The following MYCBP2 variants were observed in gnomAD, a reference collection of about 807,000 sequenced individuals.
The protein encoded by MYCBP2 is E3 ubiquitin-protein ligase MYCBP2.
Under a neutral mutation model 525.3 loss-of-function variants are expected in MYCBP2, and 120 were observed. The ratio of observed to expected loss-of-function variants is 0.23; its 90% confidence interval spans 0.20 to 0.27. MYCBP2 has a LOEUF of 0.27. Among genes scored for constraint, MYCBP2 ranks in the 10% least tolerant of loss-of-function variants. The pLI, the probability that MYCBP2 is intolerant of heterozygous loss-of-function variation, is 1.00. For missense variants in MYCBP2, 4,149 were observed against 5,657.1 expected, an observed-to-expected ratio of 0.73 and a Z score of 8.55; for synonymous variants, 1,894 against 1,955.8, an observed-to-expected ratio of 0.97 and a Z score of 0.83.
At chr13:77,188,071 A>C (rs1437466911) in intron 30 of MYCBP2, among the ~76,000 whole-genome samples, 1 of 141,226 alleles carries the variant, frequency 7.1e-6, no homozygotes, top group Non-Finnish European at 1.6e-5. Context: ...ACTCTGCCTC[A>C]CCAAAAAAAA....
chr13:77,197,244 CAGAA>C (rs1333976133), intron 26 of MYCBP2, among the ~76,000 whole-genome samples: 1 of 151,922 alleles, frequency 6.6e-6, no homozygotes, highest in Admixed American at 6.6e-5. Flanking sequence ...AGAATGGAGA[CAGAA>C]AGTATAGAAA....
chr13:77,071,237 G>GTGTATA lies in MYCBP2; in HGVS notation c.11824-527_11824-526insTATACA, dbSNP rs146458777. Among the ~76,000 whole-genome samples, 318 of 149,972 alleles carry GTGTATA rather than the reference G, an allele frequency of 2.1e-3. 2 individuals are homozygous for GTGTATA. Among genetic ancestry groups the GTGTATA allele is most frequent in the Admixed American group, 4.7e-3 (71 of 15,100 alleles). ...GTGCCACATATGTATATATGTGTGT[G>GTGTATA]TATATATATATATGCATGCACGTGT... On this transcript the variant is annotated intron_variant, in intron 68 of 82. Coordinates refer to ENST00000544440, the MANE Select transcript of MYCBP2 (RefSeq NM_015057.5).
At chr13:77,302,765 T>C (rs573438252) in intron 1 of MYCBP2, among the ~76,000 whole-genome samples, 1 of 152,204 alleles carries the variant, frequency 6.6e-6, no homozygotes, top group African/African-American at 2.4e-5. Flanking sequence ...GGAGTGGCTA[T>C]TTTAATATTT....
intron 20 of MYCBP2, among the ~76,000 whole-genome samples, chr13:77,218,636 C>T (rs1461357109): frequency 6.6e-6 from 1 of 152,194 alleles, no homozygotes; most frequent in Non-Finnish European, 1.5e-5. Context: ...CACAGAGTTC[C>T]TGTGAACAGT....
At chr13:77,046,795 G>T in intron 82 of MYCBP2, among the ~76,000 whole-genome samples, 1 of 152,202 alleles carries the variant, frequency 6.6e-6, no homozygotes, top group Non-Finnish European at 1.5e-5. Flanking sequence ...ACCTCAGGAT[G>T]GGTCAGCATG....
intron 1 of MYCBP2, among the ~76,000 whole-genome samples, chr13:77,318,248 AG>A (rs2081196387): frequency 6.6e-6 from 1 of 152,220 alleles, no homozygotes; most frequent in South Asian, 2.1e-4. Context: ...TTGCTAGATC[AG>A]CACTGGTGAA....
Position 77,205,481 on chromosome 13 carries a change from C to T in MYCBP2, c.3707G>A (p.Arg1236Lys), listed in dbSNP as rs1254875157. 1.2e-6 allele frequency: 2 copies of T among 1,613,196 alleles called. No individual in the cohort carries two copies. Among genetic ancestry groups the T allele is most frequent in the East Asian group, 2.2e-5 (1 of 44,838 alleles). The part of the protein sequence containing the change: ...YSKEDYSVVN[R>K]FESHGGGWGY... ...AACCGAAGTATACATACTTTCAAAC[C>T]TGTTTACCACACTATAATCTTCTTT... The change falls in exon 25 of 83, where the codon AGG (arginine) becomes AAG (lysine). Residue 1236 changes from arginine (R) to lysine (K), a missense_variant. Physicochemically the swap from Arg to Lys is conservative, Grantham distance 26. Around this residue, in one of 21 missense-constraint regions of MYCBP2, gnomAD observed 620 missense variants for 795.5 expected, o/e 0.78. Transcript: ENST00000544440.
Position 77,327,062 on chromosome 13 carries a change from C to T in MYCBP2, c.-287G>A, listed in dbSNP as rs2082412474. On this transcript the variant is annotated 5_prime_UTR_variant, in exon 1 of 83. Transcript: ENST00000544440. ...CCGCCGCCACCACCGCTACCACCGC[C>T]ACCACCGCCGGGGCTACCCGCAATG... is the stretch of plus-strand genomic sequence containing the variant. 9.1e-6 allele frequency: 4 copies of T among 439,416 alleles called. No individual in the cohort carries two copies. The highest frequency in any genetic ancestry group is 1.3e-4 in the South Asian group (2 of 14,856). 27.2% of individuals were successfully genotyped at this position (439,416 alleles called of 1,614,324 possible).
chr13:77,172,453 T>C (rs2059236167), intron 37 of MYCBP2, among the ~76,000 whole-genome samples: 1 of 152,146 alleles, frequency 6.6e-6, no homozygotes, highest in South Asian at 2.1e-4. Flanking sequence ...AGGGTGGAAC[T>C]TGGTATGATT....
chr13:77,298,315 C>T (rs377552284), intron 1 of MYCBP2, among the ~76,000 whole-genome samples: 1 of 152,192 alleles, frequency 6.6e-6, no homozygotes, highest in African/African-American at 2.4e-5. Context: ...GTCTAACTCC[C>T]CACACTGGAT....
intron 21 of MYCBP2, among the ~76,000 whole-genome samples, chr13:77,217,447 T>TA (rs1018423181): frequency 4.6e-5 from 7 of 151,798 alleles, no homozygotes; most frequent in African/African-American, 7.3e-5. Context: ...ACAAATCAAA[T>TA]AAAAAAAACT....
At chr13:77,190,616 A>C (rs1468633390) in intron 28 of MYCBP2, among the ~76,000 whole-genome samples, 3 of 152,150 alleles carry the variant, frequency 2.0e-5, no homozygotes, top group Non-Finnish European at 4.4e-5. Context: ...TAAAATTTCT[A>C]CTTACAACTA....
At chr13:77,230,067 T>C (rs531869311) in intron 18 of MYCBP2, among the ~76,000 whole-genome samples, 11 of 152,342 alleles carry the variant, frequency 7.2e-5, no homozygotes, top group African/African-American at 2.6e-4. Flanking sequence ...GTATTTTATA[T>C]GGAATTTTAC....
chr13:77,115,239 G>A (rs1289785611), intron 55 of MYCBP2, among the ~76,000 whole-genome samples: 4 of 151,828 alleles, frequency 2.6e-5, no homozygotes, highest in Admixed American at 6.6e-5. Context: ...AAGAGAAATG[G>A]TGATAATGAA....
At chr13:77,313,366 G>GA (rs2080509589) in intron 1 of MYCBP2, among the ~76,000 whole-genome samples, 1 of 151,926 alleles carries the variant, frequency 6.6e-6, no homozygotes, top group Non-Finnish European at 1.5e-5. Context: ...AAAAGCCAAT[G>GA]AAATAGAAAA....
At chr13:77,319,442 G>A (rs949143944) in intron 1 of MYCBP2, among the ~76,000 whole-genome samples, 2 of 152,030 alleles carry the variant, frequency 1.3e-5, no homozygotes, top group Non-Finnish European at 2.9e-5. Flanking sequence ...TACCTACCTT[G>A]GTGCTCTGCT....
Position 77,067,750 on chromosome 13 carries a change from C to T in MYCBP2, c.12286G>A (p.Glu4096Lys). 6.2e-7 allele frequency: 1 copy of T among 1,614,122 alleles called. No individual in the cohort carries two copies. Among genetic ancestry groups the T allele is most frequent in the Non-Finnish European group, 8.5e-7 (1 of 1,180,024 alleles). The change falls in exon 71 of 83, where the codon GAG becomes AAG. Residue 4096 changes from glutamate to lysine, a missense_variant. Around this residue, in one of 21 missense-constraint regions of MYCBP2, gnomAD observed 148 missense variants for 179.4 expected, o/e 0.82. Coordinates refer to ENST00000544440, the MANE Select transcript of MYCBP2 (RefSeq NM_015057.5). Reference sequence around the variant, plus strand: ...CCCAGCTTATTCCAGTCTCCTTTCTCTGTTGAGTGAATGATATCACTGATA... The same window carrying T: ...CCCAGCTTATTCCAGTCTCCTTTCTTTGTTGAGTGAATGATATCACTGATA... ...ADISDIIHST[E>K]KGDWNKLGIL...
intron 15 of MYCBP2, among the ~76,000 whole-genome samples, chr13:77,249,726 G>C (rs1056325191): frequency 2.0e-5 from 3 of 152,052 alleles, no homozygotes; most frequent in African/African-American, 7.2e-5. Flanking sequence ...TAGCGTTGGA[G>C]AGATCCAGGA....
chr13:77,044,915 T>TC lies in MYCBP2; in HGVS notation c.*462_*463insG. On this transcript the variant is annotated 3_prime_UTR_variant, in exon 83 of 83. Coordinates refer to ENST00000544440, the MANE Select transcript of MYCBP2 (RefSeq NM_015057.5). Reference sequence around the variant, plus strand: ...CCTAACACAATGTTTTTTTTTTTTTTAAATAACAGTCTAGGAAATAAACCA... The same window carrying TC: ...CCTAACACAATGTTTTTTTTTTTTTTCAAATAACAGTCTAGGAAATAAACCA... 1 of 400,478 alleles carries TC rather than the reference T, an allele frequency of 2.5e-6. No individual in the cohort carries two copies. Among genetic ancestry groups the TC allele is most frequent in the Non-Finnish European group, 4.4e-6 (1 of 227,058 alleles). 24.8% of individuals were successfully genotyped at this position (400,478 alleles called of 1,614,324 possible).
Sources: allele counts gnomAD v4.1 joint callset (sites outside exome capture counted in the v4.1 genomes callset), GRCh38; gene constraint gnomAD v4.1.1; regional missense constraint gnomAD v4.1.1; transcripts MANE v1.5; gene names NCBI Gene and HGNC (gene_info 2026-07-23, HGNC 2026-07-21).